TMEM9: variants seen among roughly 807,000 people sequenced by gnomAD.
TMEM9 encodes the protein transmembrane protein 9.
In TMEM9, 13 loss-of-function variants were observed where a neutral mutation model predicts 22.8. The observed-to-expected ratio is 0.57, with a 90% CI of 0.37 to 0.91. The LOEUF (loss-of-function observed/expected upper bound fraction) is 0.91, where lower values mean the gene tolerates loss of function less well. TMEM9 is among the 40% of genes least tolerant of loss of function. The probability of loss-of-function intolerance (pLI) is 0.01; values close to 1 mark genes in which losing one functional copy is unlikely to be tolerated. For synonymous variants in TMEM9, 88 were observed against 93.0 expected, an observed-to-expected ratio of 0.95 and a Z score of 0.31; for missense variants, 182 against 238.1, an observed-to-expected ratio of 0.76 and a Z score of 1.55.
intron 2 of TMEM9, among the ~76,000 whole-genome samples, 162 bp downstream of exon 2, chr1:201,151,599 T>C (rs1401245317): frequency 2.6e-5 from 4 of 152,218 alleles, no homozygotes; most frequent in Non-Finnish European, 5.9e-5. Flanking sequence ...CACAGACAGT[T>C]GACAACTATG....
At chr1:201,140,518 T>A (rs913413268) in intron 4 of TMEM9, among the ~76,000 whole-genome samples, 6 of 152,134 alleles carry the variant, frequency 3.9e-5, no homozygotes, top group Admixed American at 3.9e-4. Context: ...CAAGCTTTCA[T>A]CTCCCTCCAT....
intron 2 of TMEM9, among the ~76,000 whole-genome samples, chr1:201,148,911 C>T (rs575487796): frequency 2.0e-5 from 3 of 152,346 alleles, no homozygotes; most frequent in South Asian, 4.1e-4. Context: ...GAAAAAGGGT[C>T]ACCCAGGGCA....
chr1:201,164,228 C>T lies in TMEM9; in HGVS notation c.-37+7262G>A, dbSNP rs531587523. Among the ~76,000 whole-genome samples the T allele has an allele frequency of 3.3e-5, 5 of 152,106 alleles. No individual in the cohort carries two copies. In the South Asian group the frequency reaches 8.3e-4, roughly 25 times the overall value. ...AAACACATTAGCAGGTGTTAATGAGCGGGTGGAGGTGGATATGACTATAAA... is the reference window on the plus strand; with the variant it reads ...AAACACATTAGCAGGTGTTAATGAGTGGGTGGAGGTGGATATGACTATAAA... On this transcript the variant is annotated intron_variant, in intron 1 of 5. Transcript: ENST00000367333.
chr1:201,170,688 A>G (rs1173462101), intron 1 of TMEM9, among the ~76,000 whole-genome samples: 1 of 152,188 alleles, frequency 6.6e-6, no homozygotes. Context: ...GAAAGGTTAA[A>G]TATTTGCCCC....
chr1:201,147,813 C>T (rs1665101036), intron 2 of TMEM9, among the ~76,000 whole-genome samples: 1 of 152,204 alleles, frequency 6.6e-6, no homozygotes, highest in Admixed American at 6.5e-5. Context: ...CAACCTCCAG[C>T]CACACGGATC....
chr1:201,135,875 C>T, intron 4 of TMEM9, 60 bp from the exon 5 acceptor site: 1 of 1,471,868 alleles, frequency 6.8e-7, no homozygotes, highest in Non-Finnish European at 9.1e-7. Flanking sequence ...GTCTTGGATC[C>T]TGAAAGTCTG....
intron 1 of TMEM9, among the ~76,000 whole-genome samples, chr1:201,169,115 T>C (rs1303567761): frequency 6.6e-6 from 1 of 151,622 alleles, no homozygotes; most frequent in Non-Finnish European, 1.5e-5. Flanking sequence ...GCTTAGAAAA[T>C]TGCGGAAACT....
chr1:201,146,803 G>A lies in TMEM9; in HGVS notation c.204C>T (p.Asp68=), dbSNP rs745773029. Residue 68 remains aspartate, a synonymous_variant, in exon 3 of 5, where the codon GAC becomes GAT. Transcript: ENST00000367330. ...CGCACAGCAGGCAGTAGGCCTCCAC[G>A]TCATGGCCAGGCACTGGCATGGGCT... ...VVEPMPVPGH[D]VEAYCLLCEC... 16 of 1,614,116 alleles carry A rather than the reference G, an allele frequency of 9.9e-6. No homozygotes were observed. Among genetic ancestry groups the A allele is most frequent in the African/African-American group, 1.3e-5 (1 of 74,950 alleles).
In TMEM9 at chr1:201,148,617, G is replaced by A. The variant is rs1665184179; in HGVS notation, c.159-1769C>T. On this transcript the variant is annotated intron_variant, in intron 2 of 4. Transcript: ENST00000367330. Reference sequence around the variant, plus strand: ...TCCAGCTCTGACAGGAGTCCTGCAAGAGTCAAGCATAGCTCCCTTCTGAGC... The same window carrying A: ...TCCAGCTCTGACAGGAGTCCTGCAAAAGTCAAGCATAGCTCCCTTCTGAGC... 3.9e-5 allele frequency among the ~76,000 whole-genome samples: 6 copies of A among 152,334 alleles called. No homozygotes were observed. The South Asian group carries it at 1.0e-3, about 26-fold the overall frequency.
At position 201,135,544 on chromosome 1, in the gene TMEM9, C is replaced by T; in HGVS notation, c.*119G>A. ...AAGTTAGGGAGAAGGAGGAAAAATGCCACAGGCTTTTAAAGGGAAGACTGG... is the reference window on the plus strand; with the variant it reads ...AAGTTAGGGAGAAGGAGGAAAAATGTCACAGGCTTTTAAAGGGAAGACTGG... On this transcript the variant is annotated 3_prime_UTR_variant, in exon 5 of 5. Transcript: ENST00000367330. 1 of 1,115,992 alleles carries T rather than the reference C, an allele frequency of 9.0e-7. No homozygotes were observed. Among genetic ancestry groups the T allele is most frequent in the Non-Finnish European group, 1.2e-6 (1 of 812,802 alleles). 69.1% of individuals were successfully genotyped at this position (1,115,992 alleles called of 1,614,324 possible). A position where few individuals can be genotyped will look rare whatever the true frequency, so the allele number is the denominator to read the frequency against.
At position 201,151,741 on chromosome 1, in the gene TMEM9, G is replaced by A; in HGVS notation, c.158+20C>T. 6.3e-7 allele frequency: 1 copy of A among 1,591,294 alleles called. No individual in the cohort carries two copies. The highest frequency in any genetic ancestry group is 1.7e-4 in the Middle Eastern group (1 of 5,916). On this transcript the variant is annotated intron_variant, in intron 2 of 4. Coordinates refer to ENST00000367330, the MANE Select transcript of TMEM9 (RefSeq NM_001288565.2). ...CTTCAACTGGGTATAGCAGCCAGGG[G>A]CCTGCGTGTAATGCCTTACCAGTCC...
chr1:201,168,793 T>TAC (rs1281310716), intron 1 of TMEM9, among the ~76,000 whole-genome samples: 1 of 29,802 alleles, frequency 3.4e-5, no homozygotes, highest in Non-Finnish European at 6.8e-5. Context: ...TATTTTTATT[T>TAC]TTATTTACTT....
chr1:201,151,780 T>C lies in TMEM9; in HGVS notation c.139A>G (p.Asn47Asp). The change falls in exon 2 of 5, where the codon AAT becomes GAT. Residue 47 changes from asparagine (N) to aspartate (D), a missense_variant. Coordinates refer to ENST00000367330, the MANE Select transcript of TMEM9 (RefSeq NM_001288565.2). ...RNISGHIYNQ[N>D]VSQKDCNCLH... The stretch of plus-strand genomic sequence containing the variant: ...CCTTACCAGTCCTTCTGGGATACAT[T>C]CTGGTTGTAAATGTGCCCACTGATG... 1 of 1,613,894 alleles carries C rather than the reference T, an allele frequency of 6.2e-7. No individual in the cohort carries two copies. Among genetic ancestry groups the C allele is most frequent in the Non-Finnish European group, 8.5e-7 (1 of 1,179,866 alleles).
At chr1:201,151,992 C>G in intron 1 of TMEM9, 140 bp from the exon 2 acceptor site, 1 of 635,198 alleles carries the variant, frequency 1.6e-6, no homozygotes, top group Non-Finnish European at 2.8e-6. Context: ...TCTCCATCCC[C>G]AAGTTCAAAT....
chr1:201,141,235 C>T (rs1055754251), intron 4 of TMEM9, among the ~76,000 whole-genome samples: 3 of 152,254 alleles, frequency 2.0e-5, no homozygotes, highest in Non-Finnish European at 2.9e-5. Context: ...CCAGCCTTTA[C>T]GTTTCCTGCT....
At chr1:201,159,761 TA>T (rs1665896434) in intron 1 of TMEM9, among the ~76,000 whole-genome samples, 1 of 152,206 alleles carries the variant, frequency 6.6e-6, no homozygotes, top group Non-Finnish European at 1.5e-5. Context: ...TTATTCTACC[TA>T]AAGCTTAATA....
chr1:201,155,307 GC>G (rs1665752770), upstream of TMEM9, among the ~76,000 whole-genome samples: 1 of 115,858 alleles, frequency 8.6e-6, no homozygotes, highest in South Asian at 3.0e-4. Context: ...ATCCCCTTCA[GC>G]TTTGATATGT....
intron 4 of TMEM9, among the ~76,000 whole-genome samples, chr1:201,136,296 G>C (rs548944510): frequency 8.7e-4 from 132 of 152,342 alleles, no homozygotes; most frequent in Non-Finnish European, 1.5e-3. Context: ...CCCAGGGCTA[G>C]TACTAGGCTA....
rs923113385 is a variant in TMEM9, at chr1:201,134,931, G to A, written c.*732C>T. Reference sequence around the variant, plus strand: ...GGTGTTCAGATCCACGCTCAGCCTCGAGTCTCATGTTCCAACCGACCGTCT... The same window carrying A: ...GGTGTTCAGATCCACGCTCAGCCTCAAGTCTCATGTTCCAACCGACCGTCT... On this transcript the variant is annotated 3_prime_UTR_variant, in exon 5 of 5. Transcript: ENST00000367330. 2 of 152,784 alleles carry A rather than the reference G, an allele frequency of 1.3e-5. No individual in the cohort carries two copies. Among genetic ancestry groups the A allele is most frequent in the African/African-American group, 2.4e-5 (1 of 41,458 alleles). The allele number at this position is 152,784 out of a possible 1,614,324, so 9.5% of individuals were successfully genotyped here.
Sources: allele counts gnomAD v4.1 joint callset (sites outside exome capture counted in the v4.1 genomes callset), GRCh38; gene constraint gnomAD v4.1.1; transcripts MANE v1.5; gene names NCBI Gene and HGNC (gene_info 2026-07-23, HGNC 2026-07-21).